The following LIMS2 variants were observed in gnomAD, a reference collection of about 807,000 sequenced individuals.
The protein encoded by LIMS2 is LIM and senescent cell antigen-like-containing domain protein 2.
Under a neutral mutation model 45.3 loss-of-function variants are expected in LIMS2, and 30 were observed. That is an observed-to-expected ratio of 0.66 (90% CI 0.50 to 0.90). LIMS2 has a LOEUF of 0.90. LIMS2 is among the 40% of genes least tolerant of loss of function. LIMS2 has a pLI of 0.00. For missense variants in LIMS2, 485 were observed against 468.7 expected, an observed-to-expected ratio of 1.03 and a Z score of -0.32; for synonymous variants, 173 against 188.0, an observed-to-expected ratio of 0.92 and a Z score of 0.65.
intron 4 of LIMS2, chr2:127,651,119 C>T (rs766633812): frequency 6.2e-7 from 1 of 1,613,578 alleles, no homozygotes; most frequent in East Asian, 2.2e-5. Flanking sequence ...TCAGCGCCGA[C>T]CGTTTCCTGG....
chr2:127,664,967 G>A lies in LIMS2; in HGVS notation c.12-7405C>T, dbSNP rs1043272667. Among the ~76,000 whole-genome samples the A allele has an allele frequency of 6.6e-6, 1 of 152,198 alleles. No individual in the cohort carries two copies. Among genetic ancestry groups the A allele is most frequent in the East Asian group, 1.9e-4 (1 of 5,200 alleles). On this transcript the variant is annotated intron_variant, in intron 1 of 9. Coordinates refer to ENST00000355119, the MANE Select transcript of LIMS2 (RefSeq NM_001161403.3). This position sits in a 1 kb window ranked among gnomAD's most constrained non-coding sequence, Gnocchi z 5.5. The stretch of plus-strand genomic sequence containing the variant: ...GGGCAGAGCCGATCCTCTGGATCTG[G>A]CCAACAAATGGTCAGGCACCCCAAA...
At chr2:127,656,941 A>T (rs904039242) in intron 2 of LIMS2, among the ~76,000 whole-genome samples, 2 of 152,136 alleles carry the variant, frequency 1.3e-5, no homozygotes, top group Admixed American at 1.3e-4. Flanking sequence ...CTCCCACCAC[A>T]GGGTATGTGC....
intron 4 of LIMS2, chr2:127,648,067 C>T (rs62161993): frequency 0.057 from 55,692 of 985,650 alleles, 1,755 homozygotes; most frequent in Non-Finnish European, 0.062. Flanking sequence ...GCTCTCCGCC[C>T]TCACCGTGGT....
chr2:127,657,628 G>C, intron 1 of LIMS2, 66 bp from the exon 2 acceptor site: 1 of 1,468,250 alleles, frequency 6.8e-7, no homozygotes, highest in East Asian at 2.3e-5. Context: ...CACACGCGGG[G>C]GCCTGCGCCC....
chr2:127,655,301 A>C (rs1300494345), intron 2 of LIMS2: 1 of 256,278 alleles, frequency 3.9e-6, no homozygotes, highest in African/African-American at 2.2e-5. Flanking sequence ...GCTCTCTCAG[A>C]GGCCATGAAG....
intron 2 of LIMS2, among the ~76,000 whole-genome samples, chr2:127,656,360 C>T (rs930633680): frequency 1.7e-4 from 26 of 151,936 alleles, no homozygotes; most frequent in African/African-American, 5.6e-4. Flanking sequence ...GTTCCTGCCC[C>T]GCCTTACATC....
intron 1 of LIMS2, chr2:127,673,596 C>T: frequency 7.2e-7 from 1 of 1,387,436 alleles, no homozygotes; most frequent in Non-Finnish European, 1.0e-6. Context: ...ACCTCGGGGC[C>T]TCCCATTCCA....
Position 127,672,572 on chromosome 2 carries a change from T to G in LIMS2, c.11+2442A>C, listed in dbSNP as rs1213885635. 6.6e-6 allele frequency among the ~76,000 whole-genome samples: 1 copy of G among 152,164 alleles called. No individual in the cohort carries two copies. The highest frequency in any genetic ancestry group is 2.4e-5 in the African/African-American group (1 of 41,432). On this transcript the variant is annotated intron_variant, in intron 1 of 9. Coordinates refer to ENST00000355119, the MANE Select transcript of LIMS2 (RefSeq NM_001161403.3). This position sits in a 1 kb window ranked among gnomAD's most constrained non-coding sequence, Gnocchi z 4.9. ...TGTGGCCCACCTCACAGCCAGTCAG[T>G]TGGGTCCTGTCCACTCCACCTCCCA...
intron 4 of LIMS2, chr2:127,644,237 C>T (rs1682720273): frequency 2.6e-6 from 1 of 384,322 alleles, no homozygotes; most frequent in Non-Finnish European, 5.3e-6. Context: ...CCTATGTGCC[C>T]AGCAGGGGGC....
intron 1 of LIMS2, among the ~76,000 whole-genome samples, chr2:127,662,304 A>C (rs1266381013): frequency 6.6e-6 from 1 of 152,096 alleles, no homozygotes; most frequent in Admixed American, 6.5e-5. Flanking sequence ...CCTTCCAACG[A>C]AGTCCTCACT....
At chr2:127,650,836 T>C in intron 4 of LIMS2, 1 of 1,614,132 alleles carries the variant, frequency 6.2e-7, no homozygotes, top group Non-Finnish European at 8.5e-7. Flanking sequence ...AACATGCTGT[T>C]CGCCTCCTTC....
At chr2:127,646,069 C>G in intron 4 of LIMS2, 1 of 153,054 alleles carries the variant, frequency 6.5e-6, no homozygotes, top group Non-Finnish European at 1.5e-5. Flanking sequence ...AGGGACCCCT[C>G]AGGAATGAAG....
rs11552767 is a variant in LIMS2 at position 127,653,654 on chromosome 2, G to A, written c.359+770C>T. 0.1 allele frequency among the ~76,000 whole-genome samples: 15,831 copies of A among 152,116 alleles called. 1,004 individuals carry two copies. The highest frequency in any genetic ancestry group is 0.17 in the Middle Eastern group (50 of 294). ...CAGAACCACAGGAACTCAGGGTCCC[G>A]GGTGCCAGAAGGGGGGCGTTTCTGC... On this transcript the variant is annotated intron_variant, in intron 4 of 9. Transcript: ENST00000355119. The surrounding 1 kb of genome is among the most constrained non-coding windows in gnomAD (Gnocchi z 5.3).
Position 127,642,831 on chromosome 2 carries a change from A to C in LIMS2, c.509+92T>G. 7.1e-7 allele frequency: 1 copy of C among 1,402,486 alleles called. No individual in the cohort carries two copies. The highest frequency in any genetic ancestry group is 2.5e-5 in the East Asian group (1 of 39,918). 86.9% of individuals were successfully genotyped at this position (1,402,486 alleles called of 1,614,324 possible). Reference sequence around the variant, plus strand: ...CCACCCTGCTCCCCTCTCCCTCCTCAACACTTCCCCAGGTGGAGGCCCCAC... The same window carrying C: ...CCACCCTGCTCCCCTCTCCCTCCTCCACACTTCCCCAGGTGGAGGCCCCAC... On this transcript the variant is annotated intron_variant, in intron 5 of 9. Transcript: ENST00000355119. The surrounding 1 kb of genome is among the most constrained non-coding windows in gnomAD (Gnocchi z 5.3).
chr2:127,657,692 C>T (rs915084124), intron 1 of LIMS2, 130 bp from the exon 2 acceptor site: 8 of 1,047,782 alleles, frequency 7.6e-6, no homozygotes, highest in African/African-American at 4.8e-5. Flanking sequence ...TCAGGAAAAT[C>T]GCTCTAACCC....
At chr2:127,651,653 C>A (rs113791568) in intron 4 of LIMS2, 3 of 1,613,464 alleles carry the variant, frequency 1.9e-6, no homozygotes, top group Non-Finnish European at 2.5e-6. Flanking sequence ...AGTTCCGCCA[C>A]GCCCTGTGCA....
intron 1 of LIMS2, among the ~76,000 whole-genome samples, chr2:127,670,615 A>C (rs1214603156): frequency 6.6e-6 from 1 of 152,248 alleles, no homozygotes; most frequent in Non-Finnish European, 1.5e-5. Context: ...AAAGTGGTGA[A>C]TTTAATAATA....
chr2:127,639,467 C>T lies in LIMS2; in HGVS notation c.879-39G>A, dbSNP rs751790055. On this transcript the variant is annotated intron_variant, in intron 9 of 9. Coordinates refer to ENST00000355119, the MANE Select transcript of LIMS2 (RefSeq NM_001161403.3). ...TGAGCTGTCAGCAGAGCCCCACGCC[C>T]ACCCCTTTAACCCCAGACAGGTGAC... 16 of 1,608,508 alleles carry T rather than the reference C, an allele frequency of 9.9e-6. 1 individual carries two copies. The Admixed American group carries it at 1.7e-4, about 17-fold the overall frequency.
chr2:127,655,038 TC>T, intron 2 of LIMS2, 142 bp from the exon 3 acceptor site: 1 of 787,336 alleles, frequency 1.3e-6, no homozygotes, highest in Non-Finnish European at 2.2e-6. Flanking sequence ...GAGCAGTGGG[TC>T]CCAGGCCTGG....
Sources: allele counts gnomAD v4.1 joint callset (sites outside exome capture counted in the v4.1 genomes callset), GRCh38; gene constraint gnomAD v4.1.1; non-coding constraint Gnocchi (gnomAD v3.1); transcripts MANE v1.5; gene names NCBI Gene and HGNC (gene_info 2026-07-23, HGNC 2026-07-21).